Variants in MAGI1 observed in about 807,000 individuals in gnomAD.
The protein encoded by MAGI1 is membrane-associated guanylate kinase, WW and PDZ domain-containing protein 1.
Under a neutral mutation model 139.9 loss-of-function variants are expected in MAGI1, and 58 were observed. The observed-to-expected ratio is 0.41, with a 90% CI of 0.34 to 0.52. The LOEUF (loss-of-function observed/expected upper bound fraction) is 0.52. Among genes scored for constraint, MAGI1 ranks in the 20% least tolerant of loss-of-function variants. MAGI1 has a pLI of 0.12. For missense variants in MAGI1, 1,874 were observed against 1,901.6 expected (o/e 0.99, Z 0.27); for synonymous variants, 812 against 737.9 (o/e 1.10, Z -1.63).
chr3:65,610,903 T>C (rs535868971), intron 2 of MAGI1, among the ~76,000 whole-genome samples: 4 of 139,950 alleles, frequency 2.9e-5, no homozygotes, highest in African/African-American at 7.8e-5. Context: ...GTATATACTA[T>C]ATAGTATATA....
At chr3:65,427,443 G>C (rs1947134195) in intron 12 of MAGI1, among the ~76,000 whole-genome samples, 1 of 152,116 alleles carries the variant, frequency 6.6e-6, no homozygotes, top group Non-Finnish European at 1.5e-5. Flanking sequence ...CTTTATGTTT[G>C]GTCTCCTTAG....
At chr3:65,501,237 T>A (rs1397208405) in intron 2 of MAGI1, among the ~76,000 whole-genome samples, 2 of 151,918 alleles carry the variant, frequency 1.3e-5, no homozygotes, top group Admixed American at 1.3e-4. Flanking sequence ...TCCCAGCACT[T>A]TGGGAGGCCG....
At chr3:66,028,597 T>C (rs2068424275) in intron 1 of MAGI1, among the ~76,000 whole-genome samples, 1 of 152,006 alleles carries the variant, frequency 6.6e-6, no homozygotes, top group Admixed American at 6.5e-5. Flanking sequence ...CAGAGTCCCA[T>C]TCTCAAGAAT....
chr3:66,016,188 G>T (rs952868385), intron 1 of MAGI1, among the ~76,000 whole-genome samples: 1 of 152,144 alleles, frequency 6.6e-6, no homozygotes, highest in African/African-American at 2.4e-5. Context: ...AATTAATATG[G>T]TAATAACTAT....
intron 1 of MAGI1, chr3:65,954,605 GGGCGGGGTGTGTTGTCAGGCGGCAC>G (rs2064023856): frequency 6.6e-6 from 1 of 152,520 alleles, no homozygotes. Context: ...GAAGGAGGAG[GGGCGGGGTGTGTTGTCAGGCGGCAC>G]GGCGGGGAAA....
chr3:65,365,096 G>A, intron 18 of MAGI1, 150 bp from the exon 19 acceptor site: 3 of 784,930 alleles, frequency 3.8e-6, no homozygotes, highest in Non-Finnish European at 7.0e-6. Flanking sequence ...AGACAATTAG[G>A]AGTTTAATAA....
chr3:65,879,331 C>G (rs1328748564), intron 1 of MAGI1, among the ~76,000 whole-genome samples: 1 of 151,924 alleles, frequency 6.6e-6, no homozygotes, highest in Non-Finnish European at 1.5e-5. Context: ...CAGTGGAAGA[C>G]CTGGCCCCAA....
intron 12 of MAGI1, among the ~76,000 whole-genome samples, chr3:65,425,015 G>C (rs1946906489): frequency 1.3e-5 from 2 of 150,058 alleles, no homozygotes; most frequent in Admixed American, 1.3e-4. Flanking sequence ...GTTTGAGGTT[G>C]TGATGGGCCA....
At chr3:65,905,009 T>G (rs981974926) in intron 1 of MAGI1, among the ~76,000 whole-genome samples, 1 of 152,196 alleles carries the variant, frequency 6.6e-6, no homozygotes. Context: ...GTACTCCGTA[T>G]AGGGGATCTT....
intron 1 of MAGI1, among the ~76,000 whole-genome samples, chr3:65,695,021 T>C (rs73129889): frequency 0.12 from 18,728 of 152,152 alleles, 1,750 homozygotes; most frequent in East Asian, 0.43. Flanking sequence ...TTTAGTAAAT[T>C]AGATGGGCAT....
chr3:65,572,082 G>A (rs2080985389), intron 2 of MAGI1, among the ~76,000 whole-genome samples: 1 of 152,090 alleles, frequency 6.6e-6, no homozygotes, highest in Non-Finnish European at 1.5e-5. Context: ...GAAAAACGAG[G>A]AAGGTAATCA....
At chr3:65,608,547 T>G (rs1035559153) in intron 2 of MAGI1, among the ~76,000 whole-genome samples, 2 of 152,162 alleles carry the variant, frequency 1.3e-5, no homozygotes, top group African/African-American at 4.8e-5. Context: ...TCAGTATCAT[T>G]CTACATCAGA....
intron 1 of MAGI1, among the ~76,000 whole-genome samples, chr3:65,757,542 G>A (rs2036662613): frequency 6.6e-6 from 1 of 152,148 alleles, no homozygotes; most frequent in Non-Finnish European, 1.5e-5. Flanking sequence ...GGAGGCTAAG[G>A]CAGGAGAATT....
chr3:65,881,942 G>A (rs769264257), intron 1 of MAGI1, among the ~76,000 whole-genome samples: 1 of 152,224 alleles, frequency 6.6e-6, no homozygotes, highest in Non-Finnish European at 1.5e-5. Flanking sequence ...GGCCTGTCAA[G>A]AGGAGATCAA....
chr3:65,795,479 G>A (rs2040065273), intron 1 of MAGI1, among the ~76,000 whole-genome samples: 1 of 152,126 alleles, frequency 6.6e-6, no homozygotes, highest in African/African-American at 2.4e-5. Flanking sequence ...TTCTTGAAAT[G>A]ATAAAATTGT....
intron 2 of MAGI1, among the ~76,000 whole-genome samples, chr3:65,535,669 C>T (rs1167215379): frequency 6.6e-6 from 1 of 152,198 alleles, no homozygotes; most frequent in Non-Finnish European, 1.5e-5. Context: ...AATACCATCA[C>T]TCATTCAGCT....
intron 1 of MAGI1, chr3:65,688,237 C>A: frequency 1.2e-6 from 1 of 816,136 alleles, no homozygotes; most frequent in Non-Finnish European, 2.1e-6. Context: ...GTCTGCTACA[C>A]AGCCCAGACT....
chr3:66,026,151 A>T (rs904591541), intron 1 of MAGI1, among the ~76,000 whole-genome samples: 5 of 152,094 alleles, frequency 3.3e-5, no homozygotes, highest in Admixed American at 3.3e-4. Flanking sequence ...ATCAGATGTA[A>T]ATTCTAACGC....
intron 1 of MAGI1, among the ~76,000 whole-genome samples, chr3:65,851,334 CA>C (rs1187776563): frequency 1.3e-5 from 2 of 152,154 alleles, no homozygotes; most frequent in Non-Finnish European, 2.9e-5. Context: ...TATTATCTTG[CA>C]GATCTCTTGA....
Sources: allele counts gnomAD v4.1 joint callset (sites outside exome capture counted in the v4.1 genomes callset), GRCh38; gene constraint gnomAD v4.1.1; transcripts MANE v1.5; gene names NCBI Gene and HGNC (gene_info 2026-07-23, HGNC 2026-07-21).